KALRN: variants seen among roughly 807,000 people sequenced by gnomAD.
KALRN encodes the protein kalirin.
Under a neutral mutation model 353.7 loss-of-function variants are expected in KALRN, and 70 were observed. The observed-to-expected ratio is 0.20, with a 90% CI of 0.16 to 0.24. KALRN has a LOEUF of 0.24. KALRN is among the 10% of genes least tolerant of loss of function. The probability of loss-of-function intolerance (pLI) is 1.00; values close to 1 mark genes in which losing one functional copy is unlikely to be tolerated. For synonymous variants in KALRN, 1,391 were observed against 1,434.8 expected (o/e 0.97, Z 0.69); for missense variants, 2,791 against 3,756.7 (o/e 0.74, Z 6.72).
chr3:124,054,530 A>G (rs2041344430), intron 1 of KALRN, among the ~76,000 whole-genome samples: 2 of 152,104 alleles, frequency 1.3e-5, no homozygotes, highest in Non-Finnish European at 2.9e-5. Context: ...AAGCTATGGC[A>G]GACCCTCAGA....
At chr3:124,088,759 G>A (rs1265061250) in intron 1 of KALRN, among the ~76,000 whole-genome samples, 1 of 152,028 alleles carries the variant, frequency 6.6e-6, no homozygotes, top group African/African-American at 2.4e-5. Flanking sequence ...TGGTACAAAA[G>A]GTATAAAAAG....
rs1156569160 is a variant in KALRN, at chr3:124,645,654, C to G, written c.5665-5154C>G. On this transcript the variant is annotated intron_variant, in intron 37 of 59. Coordinates refer to ENST00000682506, the MANE Select transcript of KALRN (RefSeq NM_001388419.1). ...TCTCTCTCTCTCTCTCTCTCTCTCT[C>G]TCTCTGTGCGTGTGTGTGTGTGTGT... Among the ~76,000 whole-genome samples the G allele has an allele frequency of 1.2e-3, 169 of 135,770 alleles. 1 individual carries two copies. The highest frequency in any genetic ancestry group is 4.2e-3 in the African/African-American group (160 of 37,782). The allele number at this position is 135,770 out of a possible 152,430, so 89.1% of individuals were successfully genotyped here.
chr3:124,132,971 G>C (rs139319878), intron 1 of KALRN: 1 of 154,096 alleles, frequency 6.5e-6, no homozygotes, highest in African/African-American at 2.4e-5. Flanking sequence ...GAGGCACTTA[G>C]TAGGTGATAG....
rs542539989 is a variant in KALRN, at chr3:124,468,602, T to C, written c.4031+5969T>C. ...TTCTCACGTATGGAAAATCATAGAA[T>C]TATCAAATATAAAAGCCCGAAAGAA... On this transcript the variant is annotated intron_variant, in intron 25 of 59. Transcript: ENST00000682506. Among the ~76,000 whole-genome samples, 6 of 152,332 alleles carry C rather than the reference T, an allele frequency of 3.9e-5. No homozygotes were observed. In the South Asian group the frequency reaches 1.2e-3, roughly 32 times the overall value.
At chr3:124,306,540 AAGGAG>A (rs1241682556) in intron 6 of KALRN, among the ~76,000 whole-genome samples, 2 of 151,520 alleles carry the variant, frequency 1.3e-5, no homozygotes, top group Non-Finnish European at 2.9e-5. Flanking sequence ...GCAGTACCAA[AAGGAG>A]AGGAGAGAGA....
intron 13 of KALRN, 108 bp from the exon 14 acceptor site, chr3:124,413,362 C>T (rs1391038752): frequency 2.3e-6 from 2 of 884,970 alleles, no homozygotes; most frequent in African/African-American, 1.7e-5. Context: ...AAAGCAGAGA[C>T]TTAACTGAGG....
chr3:124,577,475 G>A (rs548121811), intron 34 of KALRN, among the ~76,000 whole-genome samples: 1 of 152,226 alleles, frequency 6.6e-6, no homozygotes, highest in East Asian at 1.9e-4. Flanking sequence ...AGATAAGAAG[G>A]AGAAGAGATT....
intron 57 of KALRN, among the ~76,000 whole-genome samples, chr3:124,708,151 A>T (rs941142700): frequency 6.6e-6 from 1 of 152,234 alleles, no homozygotes; most frequent in Non-Finnish European, 1.5e-5. Context: ...ATACAAATAA[A>T]CCAAAAATCA....
At chr3:124,168,665 C>T (rs1397461165) in intron 1 of KALRN, among the ~76,000 whole-genome samples, 1 of 152,200 alleles carries the variant, frequency 6.6e-6, no homozygotes, top group African/African-American at 2.4e-5. Flanking sequence ...TCTTGGTCAA[C>T]TTTCCGTCTG....
intron 1 of KALRN, among the ~76,000 whole-genome samples, chr3:124,142,780 C>T (rs1472782649): frequency 1.3e-5 from 2 of 152,094 alleles, no homozygotes; most frequent in Admixed American, 6.5e-5. Flanking sequence ...TGCACCATGC[C>T]GCTGCTCTCC....
At chr3:124,057,794 G>A (rs180960090) in intron 1 of KALRN, among the ~76,000 whole-genome samples, 8 of 152,202 alleles carry the variant, frequency 5.3e-5, no homozygotes, top group East Asian at 1.9e-4. Context: ...CCTTTCCATC[G>A]GTGAGACTGC....
chr3:124,357,726 T>C (rs2083581381), intron 10 of KALRN, among the ~76,000 whole-genome samples: 2 of 152,226 alleles, frequency 1.3e-5, no homozygotes, highest in Admixed American at 1.3e-4. Flanking sequence ...ATCTCTATTA[T>C]GGTAGTTAGC....
chr3:124,492,095 AC>A (rs149811295), intron 31 of KALRN, among the ~76,000 whole-genome samples: 3,193 of 152,270 alleles, frequency 0.021, 81 homozygotes, highest in East Asian at 0.06. Flanking sequence ...AGTGCCCATC[AC>A]CAAGGAAAAA....
chr3:124,155,017 C>T (rs2068768489), intron 1 of KALRN, among the ~76,000 whole-genome samples: 1 of 152,160 alleles, frequency 6.6e-6, no homozygotes, highest in Non-Finnish European at 1.5e-5. Flanking sequence ...GAAAGGATTC[C>T]CTATTTAATA....
chr3:124,590,299 T>G (rs2075646559), intron 34 of KALRN, among the ~76,000 whole-genome samples: 1 of 152,156 alleles, frequency 6.6e-6, no homozygotes, highest in Non-Finnish European at 1.5e-5. Context: ...GTTTGGAAAC[T>G]GAAGCTGAAT....
At chr3:124,650,723 G>C in intron 37 of KALRN, 85 bp from the exon 38 acceptor site, 1 of 1,357,084 alleles carries the variant, frequency 7.4e-7, no homozygotes. Flanking sequence ...TTTCCATGTT[G>C]TCTGTGGCTA....
chr3:124,672,245 G>T (rs1028776588), intron 48 of KALRN, among the ~76,000 whole-genome samples: 4 of 152,206 alleles, frequency 2.6e-5, no homozygotes, highest in African/African-American at 9.6e-5. Context: ...ACTGCACCCG[G>T]CCAGGAAGTA....
intron 5 of KALRN, among the ~76,000 whole-genome samples, chr3:124,280,690 C>T (rs955585901): frequency 2.0e-5 from 3 of 152,008 alleles, no homozygotes; most frequent in Non-Finnish European, 4.4e-5. Flanking sequence ...GTTTGCCCAC[C>T]CAGAGAATGA....
chr3:124,471,337 T>C (rs946156067), intron 25 of KALRN, among the ~76,000 whole-genome samples: 5 of 151,014 alleles, frequency 3.3e-5, no homozygotes, highest in Admixed American at 3.3e-4. Context: ...CAGGCTAGAG[T>C]GCAATGGCGC....
Sources: gnomAD v4.1 joint callset for allele counts (sites outside exome capture counted in the v4.1 genomes callset) on GRCh38, gnomAD v4.1.1 for gene constraint, MANE v1.5 for transcripts, NCBI Gene and HGNC (gene_info 2026-07-23, HGNC 2026-07-21) for gene names.